The following DPF3 variants were observed in gnomAD, a reference collection of about 807,000 sequenced individuals.
DPF3 encodes the protein double PHD fingers 3.
In DPF3, 18 loss-of-function variants were observed where a neutral mutation model predicts 56.8. That is an observed-to-expected ratio of 0.32 (90% CI 0.22 to 0.47). DPF3 has a LOEUF of 0.47. Ranked by LOEUF, DPF3 falls within the 20% of genes least tolerant of loss-of-function variation. DPF3 has a pLI of 1.00. For synonymous variants in DPF3, 188 were observed against 180.2 expected, an observed-to-expected ratio of 1.04 and a Z score of -0.35; for missense variants, 403 against 488.8, an observed-to-expected ratio of 0.82 and a Z score of 1.65.
rs1388941891 is a variant in DPF3 at position 72,732,044 on chromosome 14, C to T, written c.302-110G>A. 21 of 1,375,876 alleles carry T rather than the reference C, an allele frequency of 1.5e-5. No homozygotes were observed. In the East Asian group the frequency reaches 5.3e-4, roughly 35 times the overall value. The allele number at this position is 1,375,876 out of a possible 1,614,324, so 85.2% of individuals were successfully genotyped here. ...AGGGCTCCTGAGGAGGACTCGGGGC[C>T]TGTGCTCTCTCCTCCTGGAGGGAGA... On this transcript the variant is annotated intron_variant, in intron 3 of 10. Transcript: ENST00000556509.
At chr14:72,639,769 A>G (rs1368611372) in intron 8 of DPF3, among the ~76,000 whole-genome samples, 8 of 152,188 alleles carry the variant, frequency 5.3e-5, no homozygotes, top group African/African-American at 1.4e-4. Context: ...TAAAACACAC[A>G]TAGATTCCTG....
At chr14:72,619,854 T>C (rs765559808) in intron 10 of DPF3, 49 bp downstream of exon 10, 25 of 1,472,460 alleles carry the variant, frequency 1.7e-5, no homozygotes, top group African/African-American at 9.8e-5. Flanking sequence ...TAAGTGCTAG[T>C]AGTAGTAGTA....
chr14:72,727,754 G>A (rs533175525), intron 4 of DPF3, among the ~76,000 whole-genome samples: 2 of 152,244 alleles, frequency 1.3e-5, no homozygotes, highest in South Asian at 4.1e-4. Context: ...CTTGGTCTCT[G>A]TGTCCCTAGC....
intron 9 of DPF3, among the ~76,000 whole-genome samples, chr14:72,624,064 AG>A: frequency 6.6e-6 from 1 of 152,204 alleles, no homozygotes; most frequent in East Asian, 1.9e-4. Flanking sequence ...TAAAATCTTA[AG>A]TTCATAAACA....
rs1599343216 is a variant in DPF3, at chr14:72,671,614, T to C, written c.871+2626A>G. Reference sequence around the variant, plus strand: ...CAGCAAAAGATTCAACCATGATCTTTCTTCTGTTGTGCATACACACAGGCG... The same window carrying C: ...CAGCAAAAGATTCAACCATGATCTTCCTTCTGTTGTGCATACACACAGGCG... On this transcript the variant is annotated intron_variant, in intron 8 of 10. Transcript: ENST00000556509. The C allele has an allele frequency of 8.7e-6, 5 of 575,676 alleles. No individual in the cohort carries two copies. In the East Asian group the frequency reaches 1.8e-4, roughly 21 times the overall value. The allele number at this position is 575,676 out of a possible 1,614,324, so 35.7% of individuals were successfully genotyped here. A position where few individuals can be genotyped will look rare whatever the true frequency, so the allele number is the denominator to read the frequency against.
At chr14:72,868,993 A>C (rs1252404644) in intron 1 of DPF3, among the ~76,000 whole-genome samples, 1 of 152,120 alleles carries the variant, frequency 6.6e-6, no homozygotes, top group Non-Finnish European at 1.5e-5. Context: ...GATAAAGTAC[A>C]CAGCCCTCAA....
chr14:72,768,794 A>G (rs1322187884), intron 2 of DPF3, among the ~76,000 whole-genome samples: 1 of 152,164 alleles, frequency 6.6e-6, no homozygotes, highest in Non-Finnish European at 1.5e-5. Flanking sequence ...CTTAAAGGAG[A>G]GTAATTTGGC....
Position 72,618,361 on chromosome 14 carries a change from A to G in DPF3, c.*936T>C, listed in dbSNP as rs1884216253. The stretch of plus-strand genomic sequence containing the variant: ...CCCCCTGTATCCAGCATTCGGACAC[A>G]TGATTGGGCAGCCTTCGCTCCCCTT... On this transcript the variant is annotated 3_prime_UTR_variant, in exon 11 of 11. Transcript: ENST00000556509. Among the ~76,000 whole-genome samples the G allele has an allele frequency of 6.6e-6, 1 of 152,242 alleles. No homozygotes were observed. Among genetic ancestry groups the G allele is most frequent in the African/African-American group, 2.4e-5 (1 of 41,466 alleles).
At position 72,615,947 on chromosome 14, in the gene DPF3, C is replaced by T. The variant is rs1884063246; in HGVS notation, c.*3350G>A. Among the ~76,000 whole-genome samples, 1 of 152,224 alleles carries T rather than the reference C, an allele frequency of 6.6e-6. No individual in the cohort carries two copies. Among genetic ancestry groups the T allele is most frequent in the Non-Finnish European group, 1.5e-5 (1 of 68,036 alleles). On this transcript the variant is annotated 3_prime_UTR_variant, in exon 11 of 11. Coordinates refer to ENST00000556509, the MANE Select transcript of DPF3 (RefSeq NM_001280542.3). ...TCTCTGGTTTGCTGGAGCCACAGTACAGAGGGGTGAAGCCCAGCAAAGTTC... is the reference window on the plus strand; with the variant it reads ...TCTCTGGTTTGCTGGAGCCACAGTATAGAGGGGTGAAGCCCAGCAAAGTTC...
chr14:72,851,408 C>G (rs1423539244), intron 1 of DPF3, among the ~76,000 whole-genome samples: 1 of 152,206 alleles, frequency 6.6e-6, no homozygotes, highest in African/African-American at 2.4e-5. Context: ...TCACACGGCA[C>G]TATCTGGATC....
chr14:72,750,367 G>T (rs1890515287), intron 3 of DPF3, among the ~76,000 whole-genome samples: 1 of 149,774 alleles, frequency 6.7e-6, no homozygotes, highest in Admixed American at 6.7e-5. Flanking sequence ...TTCTATAAAA[G>T]AAGACCTAAT....
chr14:72,805,889 G>A (rs1465394857), intron 1 of DPF3: 1 of 152,108 alleles, frequency 6.6e-6, no homozygotes, highest in Non-Finnish European at 1.5e-5. Context: ...AGTAGGATGG[G>A]TGTTTCCTAG....
chr14:72,692,688 C>T (rs760448303), intron 7 of DPF3, among the ~76,000 whole-genome samples: 10 of 152,190 alleles, frequency 6.6e-5, no homozygotes, highest in Non-Finnish European at 8.8e-5. Flanking sequence ...GCAGGCATTT[C>T]GAATGTGTGT....
At chr14:72,662,951 GA>G (rs1307818673) in intron 8 of DPF3, 1 of 600,478 alleles carries the variant, frequency 1.7e-6, no homozygotes, top group Admixed American at 6.8e-5. Context: ...AAAAAAAAAA[GA>G]AGAAGAAAGA....
At chr14:72,851,670 C>T (rs116925476) in intron 1 of DPF3, among the ~76,000 whole-genome samples, 2,270 of 152,316 alleles carry the variant, frequency 0.015, 34 homozygotes, top group Non-Finnish European at 0.023. Flanking sequence ...GAAAATGTCA[C>T]AGATGGCCAC....
chr14:72,753,799 C>T (rs753120581), intron 2 of DPF3, among the ~76,000 whole-genome samples: 1 of 152,098 alleles, frequency 6.6e-6, no homozygotes, highest in Non-Finnish European at 1.5e-5. Flanking sequence ...TATGGACAGC[C>T]TGGGTTGAGA....
chr14:72,718,646 A>G (rs1889033463), intron 5 of DPF3, among the ~76,000 whole-genome samples: 1 of 152,184 alleles, frequency 6.6e-6, no homozygotes, highest in Non-Finnish European at 1.5e-5. Context: ...AATTTCTAAA[A>G]TGGCAAATAT....
At chr14:72,810,640 C>T (rs1214232196) in intron 1 of DPF3, among the ~76,000 whole-genome samples, 1 of 152,116 alleles carries the variant, frequency 6.6e-6, no homozygotes, top group Non-Finnish European at 1.5e-5. Flanking sequence ...GATCTGCCTC[C>T]AAATCCAAGA....
At chr14:72,681,458 C>T (rs934324214) in intron 7 of DPF3, among the ~76,000 whole-genome samples, 7 of 152,208 alleles carry the variant, frequency 4.6e-5, no homozygotes, top group African/African-American at 1.7e-4. Flanking sequence ...TCTTGAGACT[C>T]ATTCTGTCTC....
Sources: allele counts gnomAD v4.1 joint callset (sites outside exome capture counted in the v4.1 genomes callset), GRCh38; gene constraint gnomAD v4.1.1; transcripts MANE v1.5; gene names NCBI Gene and HGNC (gene_info 2026-07-23, HGNC 2026-07-21).